The following SPEF2 variants were observed in gnomAD, a reference collection of about 807,000 sequenced individuals.
The protein encoded by SPEF2 is sperm flagellar and cilia associated 2, also known as sperm flagella and cilia-associated protein 2.
SPEF2 carries 187 observed loss-of-function variants against 224.6 expected under a neutral mutation model. That is an observed-to-expected ratio of 0.83 (90% CI 0.74 to 0.94). The LOEUF (loss-of-function observed/expected upper bound fraction) is 0.94. Ranked by LOEUF, SPEF2 falls within the 40% of genes least tolerant of loss-of-function variation. SPEF2 has a pLI of 0.00. For missense variants in SPEF2, 2,170 were observed against 2,135.6 expected (o/e 1.02, Z -0.32); for synonymous variants, 715 against 707.3 (o/e 1.01, Z -0.17).
chr5:35,695,494 A>G lies in SPEF2; in HGVS notation c.1976-241A>G, dbSNP rs115348815. Among the ~76,000 whole-genome samples, 1,363 of 151,966 alleles carry G rather than the reference A, an allele frequency of 9.0e-3. 17 individuals carry two copies. Among genetic ancestry groups the G allele is most frequent in the African/African-American group, 0.032 (1,326 of 41,496 alleles). ...AGCTCAGATCATGCAGGAAGGGAGC[A>G]GGGAAGGGAGGGAGGTAGGGAGGGA... On this transcript the variant is annotated intron_variant, in intron 13 of 36. Coordinates refer to ENST00000356031, the MANE Select transcript of SPEF2 (RefSeq NM_024867.4).
intron 15 of SPEF2, chr5:35,699,627 G>GT (rs1738173112): frequency 6.6e-6 from 1 of 152,196 alleles, no homozygotes; most frequent in South Asian, 2.1e-4. Context: ...GGCAGTACAA[G>GT]TATCCAGTAC....
At chr5:35,644,870 T>C (rs575816279) in intron 4 of SPEF2, among the ~76,000 whole-genome samples, 1 of 152,292 alleles carries the variant, frequency 6.6e-6, no homozygotes, top group African/African-American at 2.4e-5. Flanking sequence ...CACATGACCA[T>C]TGTCACCACT....
chr5:35,806,488 A>C (rs563991006), intron 34 of SPEF2, among the ~76,000 whole-genome samples: 1 of 152,350 alleles, frequency 6.6e-6, no homozygotes, highest in African/African-American at 2.4e-5. Context: ...ACCCCACACT[A>C]TACAAGCTTC....
At chr5:35,794,734 G>T (rs1218594305) in intron 32 of SPEF2, among the ~76,000 whole-genome samples, 1 of 152,156 alleles carries the variant, frequency 6.6e-6, no homozygotes, top group Non-Finnish European at 1.5e-5. Context: ...AGAACAAAGG[G>T]TGTTGGCAAT....
chr5:35,649,247 C>A, intron 5 of SPEF2, 114 bp from the exon 6 acceptor site: 1 of 841,152 alleles, frequency 1.2e-6, no homozygotes, highest in Non-Finnish European at 1.8e-6. Context: ...TTTTCATATC[C>A]TAATTACCTT....
At chr5:35,751,118 T>TATATATATATATATA (rs1205071419) in intron 23 of SPEF2, among the ~76,000 whole-genome samples, 2 of 87,890 alleles carry the variant, frequency 2.3e-5, no homozygotes, top group South Asian at 9.2e-4. Flanking sequence ...TATATATATA[T>TATATATATATATATA]GATGGAATGC....
chr5:35,675,697 T>G, intron 10 of SPEF2: 1 of 272,176 alleles, frequency 3.7e-6, no homozygotes, highest in Non-Finnish European at 7.6e-6. Context: ...TTTTCTGTAT[T>G]TTTAGTAGAG....
rs1033866426 is a variant in SPEF2, at chr5:35,667,317, A to G, written c.1355+58A>G. Reference sequence around the variant, plus strand: ...ACGATAGAGAATGAGGAAGGATAAGATTGTAAAATAGATACTAGGATGATA... The same window carrying G: ...ACGATAGAGAATGAGGAAGGATAAGGTTGTAAAATAGATACTAGGATGATA... On this transcript the variant is annotated intron_variant, in intron 9 of 36. Transcript: ENST00000356031. 45 of 1,376,912 alleles carry G rather than the reference A, an allele frequency of 3.3e-5. No individual in the cohort carries two copies. The East Asian group carries it at 9.5e-4, about 29-fold the overall frequency. The allele number at this position is 1,376,912 out of a possible 1,614,324, so 85.3% of individuals were successfully genotyped here. A position where few individuals can be genotyped will look rare whatever the true frequency, so the allele number is the denominator to read the frequency against.
intron 1 of SPEF2, among the ~76,000 whole-genome samples, chr5:35,622,526 G>A (rs944852700): frequency 3.5e-4 from 54 of 152,254 alleles, no homozygotes; most frequent in African/African-American, 1.1e-3. Flanking sequence ...TGTGTTAAGA[G>A]CATTGTTTAG....
chr5:35,728,685 T>C (rs1188272254), intron 21 of SPEF2, among the ~76,000 whole-genome samples: 1 of 152,190 alleles, frequency 6.6e-6, no homozygotes, highest in African/African-American at 2.4e-5. Flanking sequence ...AATAATTCAA[T>C]GTATTCAACA....
At chr5:35,793,377 G>T in intron 32 of SPEF2, 36 bp downstream of exon 32, 1 of 1,589,408 alleles carries the variant, frequency 6.3e-7, no homozygotes, top group South Asian at 1.1e-5. Flanking sequence ...GATAACACCA[G>T]AACACTTGTG....
In SPEF2 at chr5:35,708,993, C is replaced by T. The variant is rs13170082; in HGVS notation, c.2711C>T (p.Ala904Val). Residue 904 changes from alanine (A) to valine (V), a missense_variant, in exon 19 of 37, where the codon GCT (alanine) becomes GTT (valine). Coordinates refer to ENST00000356031, the MANE Select transcript of SPEF2 (RefSeq NM_024867.4). ...EEKEAEKKAA[A>V]SLAELPLPTP... ...AAGGAAGCTGAGAAAAAAGCAGCAG[C>T]TTCCCTGGCTGAGCTTCCACTTCCT... 1,250,729 of 1,612,208 alleles carry T rather than the reference C, an allele frequency of 0.78. 486,889 individuals are homozygous for T. The highest frequency in any genetic ancestry group is 0.82 in the Middle Eastern group (4,989 of 6,054).
At chr5:35,669,240 C>T (rs1170057620) in intron 9 of SPEF2, among the ~76,000 whole-genome samples, 1 of 152,060 alleles carries the variant, frequency 6.6e-6, no homozygotes, top group Non-Finnish European at 1.5e-5. Context: ...TAGCATGAAT[C>T]AGAATGAAAT....
chr5:35,766,476 A>G (rs1580652533), intron 26 of SPEF2, among the ~76,000 whole-genome samples: 1 of 152,072 alleles, frequency 6.6e-6, no homozygotes, highest in Non-Finnish European at 1.5e-5. Context: ...CATTTGTGTT[A>G]ATACTTGCAG....
intron 19 of SPEF2, 183 bp downstream of exon 19, chr5:35,709,304 C>T: frequency 7.0e-7 from 1 of 1,418,518 alleles, no homozygotes; most frequent in Non-Finnish European, 9.2e-7. Context: ...TGTTACAAAG[C>T]CCAACTTCTT....
At chr5:35,802,202 A>G (rs2059518019) in intron 34 of SPEF2, among the ~76,000 whole-genome samples, 1 of 151,976 alleles carries the variant, frequency 6.6e-6, no homozygotes, top group Non-Finnish European at 1.5e-5. Flanking sequence ...CATACTCTTC[A>G]TCTCATCTCA....
chr5:35,619,137 A>G (rs1743106724), intron 1 of SPEF2, among the ~76,000 whole-genome samples: 2 of 152,158 alleles, frequency 1.3e-5, no homozygotes, highest in African/African-American at 4.8e-5. Context: ...TCTTTGTCAA[A>G]TAACCATCTA....
intron 7 of SPEF2, among the ~76,000 whole-genome samples, chr5:35,657,162 G>T (rs1324265624): frequency 6.6e-6 from 1 of 152,152 alleles, no homozygotes; most frequent in African/African-American, 2.4e-5. Context: ...TTCTTCTGGT[G>T]CCATTTGCAC....
At chr5:35,700,434 A>C in intron 15 of SPEF2, 62 bp from the exon 16 acceptor site, 1 of 1,423,410 alleles carries the variant, frequency 7.0e-7, no homozygotes, top group East Asian at 2.3e-5. Flanking sequence ...AAGATTCATC[A>C]TAGTATTTCC....
Sources: gnomAD v4.1 joint callset for allele counts (sites outside exome capture counted in the v4.1 genomes callset) on GRCh38, gnomAD v4.1.1 for gene constraint, MANE v1.5 for transcripts, NCBI Gene and HGNC (gene_info 2026-07-23, HGNC 2026-07-21) for gene names.